The following ARCN1 variants were observed in gnomAD, a reference collection of about 807,000 sequenced individuals.
ARCN1 encodes the protein archain 1 coat protein complex I subunit delta.
ARCN1 carries 5 observed loss-of-function variants against 60.4 expected under a neutral mutation model. The ratio of observed to expected loss-of-function variants is 0.08; its 90% CI spans 0.04 to 0.17. ARCN1 has a LOEUF of 0.17. Ranked by LOEUF, ARCN1 falls within the 10% of genes least tolerant of loss-of-function variation. The probability of loss-of-function intolerance (pLI) is 1.00; values close to 1 mark genes in which losing one functional copy is unlikely to be tolerated. For synonymous variants in ARCN1, 224 were observed against 220.0 expected, an observed-to-expected ratio of 1.02 and a Z score of -0.16; for missense variants, 464 against 626.5, an observed-to-expected ratio of 0.74 and a Z score of 2.77.
At chr11:118,576,456 A>G (rs1938515125) in intron 1 of ARCN1, among the ~76,000 whole-genome samples, 1 of 151,182 alleles carries the variant, frequency 6.6e-6, no homozygotes, top group Non-Finnish European at 1.5e-5. Flanking sequence ...AAAACCAAAA[A>G]CTTTGTAATC....
intron 1 of ARCN1, among the ~76,000 whole-genome samples, chr11:118,576,386 C>T (rs1303877463): frequency 8.7e-6 from 1 of 115,158 alleles, no homozygotes; most frequent in Non-Finnish European, 1.7e-5. Flanking sequence ...AGGGCTCTTG[C>T]AAGTTCCTTT....
intron 1 of ARCN1, chr11:118,573,106 A>G (rs1214570019): frequency 2.5e-5 from 4 of 158,880 alleles, no homozygotes; most frequent in Non-Finnish European, 5.6e-5. Flanking sequence ...AACTTCTAAC[A>G]CTAATGTATA....
Position 118,575,083 on chromosome 11 carries a change from A to G in ARCN1, c.3+2533A>G, listed in dbSNP as rs182997659. Among the ~76,000 whole-genome samples, 123 of 152,218 alleles carry G rather than the reference A, an allele frequency of 8.1e-4. 1 individual carries two copies. The highest frequency in any genetic ancestry group is 3.4e-3 in the Middle Eastern group (1 of 294). ...AACTTCTGCCTCCCGGGTTCAAGCT[A>G]TCCTCCTGCCTCAGCCTCCTGAGTA... On this transcript the variant is annotated intron_variant, in intron 1 of 9. Transcript: ENST00000264028.
At chr11:118,586,528 T>C (rs782388551) in intron 5 of ARCN1, among the ~76,000 whole-genome samples, 1 of 152,110 alleles carries the variant, frequency 6.6e-6, no homozygotes, top group Non-Finnish European at 1.5e-5. Context: ...CTTCACACTT[T>C]TAAAAAGATA....
chr11:118,573,684 C>A, intron 1 of ARCN1: 2 of 702,714 alleles, frequency 2.8e-6, no homozygotes, highest in Non-Finnish European at 5.2e-6. Flanking sequence ...TGGTGGCAAT[C>A]CTAATAAGTT....
chr11:118,578,613 G>A (rs1310493839), intron 1 of ARCN1, among the ~76,000 whole-genome samples: 6 of 152,020 alleles, frequency 3.9e-5, no homozygotes, highest in African/African-American at 1.2e-4. Context: ...ATTTCTCATC[G>A]CATGAGGGGA....
chr11:118,582,035 T>C (rs1368679981), intron 2 of ARCN1, among the ~76,000 whole-genome samples: 1 of 152,126 alleles, frequency 6.6e-6, no homozygotes, highest in Non-Finnish European at 1.5e-5. Context: ...AGCATGTGCC[T>C]GTAGTCCAAG....
In ARCN1 at chr11:118,572,478, C is replaced by G. The variant is rs963069900; in HGVS notation, c.-70C>G. ...AGCAGGTCCAGAGCTGCTGGTGCTC[C>G]CGTTCCCCAGACCCTACCCCTATCC... On this transcript the variant is annotated 5_prime_UTR_variant, in exon 1 of 10. Transcript: ENST00000264028. The G allele has an allele frequency of 1.9e-6, 3 of 1,565,382 alleles. No homozygotes were observed. Among genetic ancestry groups the G allele is most frequent in the Admixed American group, 3.5e-5 (2 of 57,718 alleles).
In ARCN1 at chr11:118,591,531, A is replaced by G. The variant is rs559747803; in HGVS notation, c.984+1025A>G. On this transcript the variant is annotated intron_variant, in intron 6 of 9. Transcript: ENST00000264028. The stretch of plus-strand genomic sequence containing the variant: ...CTCAGCCTGCTGAGTAGCTGGGATT[A>G]CAGGCACCTGCCACCATGCCCAGCT... 3.9e-4 allele frequency among the ~76,000 whole-genome samples: 60 copies of G among 152,152 alleles called. No homozygotes were observed. In the East Asian group the frequency reaches 0.011, roughly 28 times the overall value.
At position 118,592,666 on chromosome 11, in the gene ARCN1, G is replaced by A. The variant is rs782586871; in HGVS notation, c.985-43G>A. The A allele has an allele frequency of 2.9e-5, 45 of 1,557,464 alleles. No individual in the cohort carries two copies. The East Asian group carries it at 7.4e-4, about 26-fold the overall frequency. ...TAAGCCTAGTGAGGGGTTGTTTCTC[G>A]TCTATCTGAACCTCAGGAGTTTTCC... On this transcript the variant is annotated intron_variant, in intron 6 of 9. Transcript: ENST00000264028.
At chr11:118,598,736 C>T (rs1488705167) in intron 9 of ARCN1, among the ~76,000 whole-genome samples, 4 of 151,784 alleles carry the variant, frequency 2.6e-5, no homozygotes, top group African/African-American at 9.7e-5. Context: ...CTCAGGTGAT[C>T]TACCCGCCTC....
At chr11:118,586,782 G>A (rs1938788173) in intron 5 of ARCN1, among the ~76,000 whole-genome samples, 1 of 150,248 alleles carries the variant, frequency 6.7e-6, no homozygotes, top group Non-Finnish European at 1.5e-5. Flanking sequence ...AACCCGGGAA[G>A]CAGAGGTTGC....
At chr11:118,600,376 A>G (rs1939121989) in intron 9 of ARCN1, among the ~76,000 whole-genome samples, 1 of 152,216 alleles carries the variant, frequency 6.6e-6, no homozygotes, top group South Asian at 2.1e-4. Flanking sequence ...TGGAGCTTTT[A>G]CTTAATACTA....
intron 1 of ARCN1, among the ~76,000 whole-genome samples, chr11:118,579,375 A>C (rs1555074234): frequency 6.6e-6 from 1 of 152,098 alleles, no homozygotes; most frequent in East Asian, 1.9e-4. Context: ...TAAACTTTTT[A>C]AAATGCAGCC....
At chr11:118,599,566 C>A (rs547717256) in intron 9 of ARCN1, among the ~76,000 whole-genome samples, 1 of 151,984 alleles carries the variant, frequency 6.6e-6, no homozygotes, top group South Asian at 2.1e-4. Context: ...GCTGGGACTA[C>A]AGGCGTGTAC....
chr11:118,575,225 G>A (rs1287938103), intron 1 of ARCN1, among the ~76,000 whole-genome samples: 2 of 152,142 alleles, frequency 1.3e-5, no homozygotes, highest in Non-Finnish European at 2.9e-5. Context: ...TGATCTGCCC[G>A]CCTCGGCCTC....
In ARCN1 at chr11:118,584,659, T is replaced by C. The variant is rs1374175921; in HGVS notation, c.818+15T>C. 2 of 1,577,986 alleles carry C rather than the reference T, an allele frequency of 1.3e-6. No homozygotes were observed. Among genetic ancestry groups the C allele is most frequent in the Admixed American group, 2.0e-5 (1 of 50,718 alleles). On this transcript the variant is annotated intron_variant, in intron 5 of 9. Coordinates refer to ENST00000264028, the MANE Select transcript of ARCN1 (RefSeq NM_001655.5). ...AATATGGAAAGGTAAGTAGGAACTT[T>C]GAGTAAGAATTCAAGCTTTGAATAC...
intron 1 of ARCN1, among the ~76,000 whole-genome samples, chr11:118,577,991 A>G (rs1391814669): frequency 6.6e-6 from 1 of 151,942 alleles, no homozygotes; most frequent in East Asian, 1.9e-4. Context: ...CCCTGTCTCT[A>G]TTAAAAATAG....
In ARCN1 at chr11:118,601,937, C is replaced by T. The variant is rs1939156578; in HGVS notation, c.*1223C>T. 3.5e-6 allele frequency: 2 copies of T among 571,472 alleles called. No individual in the cohort carries two copies. The highest frequency in any genetic ancestry group is 6.2e-5 in the Admixed American group (2 of 32,370). The allele number at this position is 571,472 out of a possible 1,614,324, so 35.4% of individuals were successfully genotyped here. On this transcript the variant is annotated 3_prime_UTR_variant, in exon 10 of 10. Transcript: ENST00000264028. The stretch of plus-strand genomic sequence containing the variant: ...GGTACTTAAGCTAAAACGTAATGGC[C>T]ACAGTCTGTAATCCATTCACATTCC...
Sources: gnomAD v4.1 joint callset for allele counts (sites outside exome capture counted in the v4.1 genomes callset) on GRCh38, gnomAD v4.1.1 for gene constraint, MANE v1.5 for transcripts, NCBI Gene and HGNC (gene_info 2026-07-23, HGNC 2026-07-21) for gene names.